Variants in NCKAP5 observed in about 807,000 individuals in gnomAD.
The protein encoded by NCKAP5 is NCK associated protein 5, also known as nck-associated protein 5.
Under a neutral mutation model 167.0 loss-of-function variants are expected in NCKAP5, and 92 were observed. That is an observed-to-expected ratio of 0.55 (90% confidence interval 0.47 to 0.66). The LOEUF is 0.66. NCKAP5 is among the 30% of genes least tolerant of loss of function. NCKAP5 has a pLI of 0.00. For missense variants in NCKAP5, 2,378 were observed against 2,315.0 expected (o/e 1.03, Z -0.56); for synonymous variants, 891 against 877.4 (o/e 1.02, Z -0.27).
intron 6 of NCKAP5, among the ~76,000 whole-genome samples, chr2:133,033,815 C>G (rs2078957150): frequency 6.6e-6 from 1 of 151,476 alleles, no homozygotes; most frequent in African/African-American, 2.4e-5. Flanking sequence ...AAAATACAGT[C>G]AGTGGAGATG....
chr2:132,793,748 G>A (rs1366825124), intron 12 of NCKAP5, among the ~76,000 whole-genome samples: 1 of 152,178 alleles, frequency 6.6e-6, no homozygotes, highest in Non-Finnish European at 1.5e-5. Flanking sequence ...CTGTGTAGGT[G>A]TACGTGTAGC....
chr2:133,647,272 T>C, the NCKAP5 span, among the ~76,000 whole-genome samples: 1 of 150,600 alleles, frequency 6.6e-6, no homozygotes, highest in Non-Finnish European at 1.5e-5. Context: ...AGGAATTAGA[T>C]GCTGCAATGA....
At chr2:132,948,115 A>T (rs892408985) in intron 8 of NCKAP5, among the ~76,000 whole-genome samples, 1 of 152,188 alleles carries the variant, frequency 6.6e-6, no homozygotes, top group African/African-American at 2.4e-5. Flanking sequence ...AGATAACAAT[A>T]AACGGTAATG....
At chr2:133,286,343 G>T (rs1679139182) in intron 4 of NCKAP5, among the ~76,000 whole-genome samples, 1 of 152,134 alleles carries the variant, frequency 6.6e-6, no homozygotes, top group South Asian at 2.1e-4. Flanking sequence ...CTTGGAAAAA[G>T]GAAGATCTGA....
At chr2:133,276,754 G>A (rs1476099009) in intron 4 of NCKAP5, among the ~76,000 whole-genome samples, 1 of 152,034 alleles carries the variant, frequency 6.6e-6, no homozygotes, top group Non-Finnish European at 1.5e-5. Context: ...TGAAATGACA[G>A]GGTGATGTCA....
Position 133,384,271 on chromosome 2 carries a change from A to G in NCKAP5, c.70-81161T>C, listed in dbSNP as rs1043718680. ...AAGGGATCCAGTTTCAGCTTTCTAC[A>G]TATGGCTAGCCAGTTTTCCCAGCAC... On this transcript the variant is annotated intron_variant, in intron 3 of 19. Coordinates refer to ENST00000409261, the MANE Select transcript of NCKAP5 (RefSeq NM_207363.3). Among the ~76,000 whole-genome samples the G allele has an allele frequency of 2.0e-5, 3 of 152,220 alleles. No homozygotes were observed. In the South Asian group the frequency reaches 6.2e-4, roughly 31 times the overall value.
intron 8 of NCKAP5, among the ~76,000 whole-genome samples, chr2:132,955,675 T>C (rs1482431116): frequency 6.6e-6 from 1 of 152,154 alleles, no homozygotes; most frequent in Non-Finnish European, 1.5e-5. Context: ...ATATATCCAG[T>C]AATGAGATTG....
At chr2:133,083,328 T>C (rs1365227663) in intron 6 of NCKAP5, among the ~76,000 whole-genome samples, 1 of 152,108 alleles carries the variant, frequency 6.6e-6, no homozygotes. Context: ...GAAGGTTTGA[T>C]CCACTCAGGG....
chr2:133,193,119 A>T, intron 5 of NCKAP5, among the ~76,000 whole-genome samples: 1 of 152,252 alleles, frequency 6.6e-6, no homozygotes, highest in South Asian at 2.1e-4. Flanking sequence ...TTCTCCAAAG[A>T]ATTATTCTGA....
chr2:132,993,993 C>T (rs962603261), intron 7 of NCKAP5, among the ~76,000 whole-genome samples, 159 bp downstream of exon 7: 4 of 152,180 alleles, frequency 2.6e-5, no homozygotes, highest in African/African-American at 9.7e-5. Flanking sequence ...ATTGAATAAA[C>T]GTGTATGATT....
At chr2:133,618,102 T>C in the NCKAP5 span, among the ~76,000 whole-genome samples, 1 of 150,802 alleles carries the variant, frequency 6.6e-6, no homozygotes, top group Non-Finnish European at 1.5e-5. Flanking sequence ...GCTAGCCATA[T>C]GTAGAAAGCT....
intron 6 of NCKAP5, among the ~76,000 whole-genome samples, chr2:133,105,201 T>C (rs1162748698): frequency 6.6e-6 from 1 of 152,252 alleles, no homozygotes; most frequent in Non-Finnish European, 1.5e-5. Context: ...TATTTCCTCA[T>C]TAAAAATTGT....
At chr2:133,499,399 A>G (rs890946432) in intron 3 of NCKAP5, among the ~76,000 whole-genome samples, 2 of 152,250 alleles carry the variant, frequency 1.3e-5, no homozygotes, top group African/African-American at 4.8e-5. Context: ...TGCACAAACT[A>G]GATGGAACAT....
intron 8 of NCKAP5, among the ~76,000 whole-genome samples, chr2:132,929,641 A>T (rs1262663924): frequency 6.6e-6 from 1 of 152,182 alleles, no homozygotes; most frequent in Non-Finnish European, 1.5e-5. Flanking sequence ...GTCTAGGAGC[A>T]AGCATAGCAA....
intron 6 of NCKAP5, among the ~76,000 whole-genome samples, chr2:133,050,537 T>C (rs906705675): frequency 7.2e-5 from 11 of 152,196 alleles, no homozygotes; most frequent in Non-Finnish European, 1.5e-4. Context: ...GATAACACAC[T>C]TTGTACTAAA....
intron 2 of NCKAP5, among the ~76,000 whole-genome samples, chr2:133,548,360 T>C (rs1056972087): frequency 1.1e-4 from 17 of 151,890 alleles, no homozygotes; most frequent in African/African-American, 3.4e-4. Context: ...AATGTTCAGA[T>C]TCAGGAAATA....
intron 5 of NCKAP5, among the ~76,000 whole-genome samples, chr2:133,205,813 C>T (rs536820676): frequency 1.3e-5 from 2 of 152,076 alleles, no homozygotes; most frequent in East Asian, 1.9e-4. Flanking sequence ...ATATCTCATA[C>T]ATTTCTTCTT....
intron 3 of NCKAP5, among the ~76,000 whole-genome samples, chr2:133,487,917 G>A (rs1681054983): frequency 6.6e-6 from 1 of 152,166 alleles, no homozygotes; most frequent in Non-Finnish European, 1.5e-5. Context: ...GAGTGCATGG[G>A]CTCCAACAGA....
At position 132,790,180 on chromosome 2, in the gene NCKAP5, G is replaced by A; in HGVS notation, c.935C>T (p.Ala312Val). Reference protein sequence around the residue: ...VHEHQLNTKSALKCPGLGAVI... With the variant: ...VHEHQLNTKSVLKCPGLGAVI... ...AGCCCCCAAGCCAGGGCATTTCAAG[G>A]CCGATTTTGTATTTAGTTGGTGTTC... The change falls in exon 13 of 20, where the codon GCC (alanine) becomes GTC (valine). Residue 312 changes from alanine (A) to valine (V), a missense_variant. Ala to Val is a moderately conservative substitution (Grantham distance 64, BLOSUM62 0). This residue lies in a region of NCKAP5 where 1,049 missense variants were observed against 1,023.4 expected (regional missense o/e 1.02). Transcript: ENST00000409261. 1 of 1,613,226 alleles carries A rather than the reference G, an allele frequency of 6.2e-7. No homozygotes were observed. The highest frequency in any genetic ancestry group is 1.1e-5 in the South Asian group (1 of 90,822).
Sources: allele counts gnomAD v4.1 joint callset (sites outside exome capture counted in the v4.1 genomes callset), GRCh38; gene constraint gnomAD v4.1.1; regional missense constraint gnomAD v4.1.1; transcripts MANE v1.5; gene names NCBI Gene and HGNC (gene_info 2026-07-23, HGNC 2026-07-21).